The following SAMD12 variants were observed in gnomAD, a reference collection of about 807,000 sequenced individuals.
SAMD12 encodes the protein sterile alpha motif domain-containing protein 12.
In SAMD12, 9 loss-of-function variants were observed where a neutral mutation model predicts 15.0. The ratio of observed to expected loss-of-function variants is 0.60; its 90% CI spans 0.36 to 1.05. The LOEUF (loss-of-function observed/expected upper bound fraction) is 1.05. Ranked by LOEUF, SAMD12 falls within the 50% of genes least tolerant of loss-of-function variation. The pLI, the probability that SAMD12 is intolerant of heterozygous loss-of-function variation, is 0.01. For synonymous variants in SAMD12, 86 were observed against 90.1 expected (o/e 0.96, Z 0.25); for missense variants, 230 against 234.2 (o/e 0.98, Z 0.12).
intron 2 of SAMD12, among the ~76,000 whole-genome samples, chr8:118,489,072 T>C (rs889631423): frequency 1.3e-5 from 2 of 152,200 alleles, no homozygotes; most frequent in Non-Finnish European, 2.9e-5. Flanking sequence ...GTGGTATCTC[T>C]TTCTGTTTTT....
intron 4 of SAMD12, among the ~76,000 whole-genome samples, chr8:118,324,986 G>A (rs925922538): frequency 8.5e-5 from 13 of 152,246 alleles, no homozygotes; most frequent in African/African-American, 2.6e-4. Flanking sequence ...ACTCACAACT[G>A]GTCATAGGGA....
Position 118,331,590 on chromosome 8 carries a change from A to G in SAMD12, c.433+47970T>C, listed in dbSNP as rs147721984. Among the ~76,000 whole-genome samples the G allele has an allele frequency of 3.8e-3, 584 of 152,314 alleles. 5 individuals carry two copies. Among genetic ancestry groups the G allele is most frequent in the African/African-American group, 0.013 (535 of 41,578 alleles). On this transcript the variant is annotated intron_variant, in intron 4 of 4. Transcript: ENST00000409003. ...CATAGTAAGTGAAGGCAGCAAGAAG[A>G]TATTTTCAGCCAGGGAAGGGCTCTA...
At chr8:118,136,123 G>A in the SAMD12 span, among the ~76,000 whole-genome samples, 3 of 152,034 alleles carry the variant, frequency 2.0e-5, no homozygotes, top group African/African-American at 7.3e-5. Flanking sequence ...TCTGTCCCCT[G>A]GGTTCAAGTA....
At chr8:118,155,680 G>A in the SAMD12 span, among the ~76,000 whole-genome samples, 364 of 152,336 alleles carry the variant, frequency 2.4e-3, no homozygotes, top group African/African-American at 8.1e-3. Flanking sequence ...AATGGAATGC[G>A]AGGTGAGGAG....
chr8:118,321,507 G>A (rs1299200932), intron 4 of SAMD12, among the ~76,000 whole-genome samples: 5 of 151,878 alleles, frequency 3.3e-5, no homozygotes, highest in East Asian at 1.9e-4. Context: ...CCAGCCACTC[G>A]GGAGGCTGAG....
chr8:118,543,282 A>G (rs559716039), intron 2 of SAMD12, among the ~76,000 whole-genome samples: 19 of 152,272 alleles, frequency 1.2e-4, no homozygotes, highest in East Asian at 9.7e-4. Flanking sequence ...CACGATGCCA[A>G]TTAAACCTCT....
At chr8:118,219,895 T>C (rs879627997) in intron 4 of SAMD12, among the ~76,000 whole-genome samples, 19 of 152,338 alleles carry the variant, frequency 1.2e-4, no homozygotes, top group Admixed American at 1.2e-3. Context: ...CTCTCAACAT[T>C]GTGAGATATA....
At chr8:118,199,496 T>G (rs1819652974) in intron 4 of SAMD12, among the ~76,000 whole-genome samples, 1 of 152,136 alleles carries the variant, frequency 6.6e-6, no homozygotes, top group Admixed American at 6.5e-5. Context: ...TGTGTGACCT[T>G]GGAAAATAAT....
At chr8:118,358,876 GTA>G (rs1200594739) in intron 4 of SAMD12, among the ~76,000 whole-genome samples, 2 of 152,234 alleles carry the variant, frequency 1.3e-5, no homozygotes, top group Admixed American at 1.3e-4. Context: ...GAGAATGGTG[GTA>G]TTCAGAGAAT....
chr8:118,240,149 G>A (rs1295396498), intron 4 of SAMD12, among the ~76,000 whole-genome samples: 1 of 152,110 alleles, frequency 6.6e-6, no homozygotes, highest in Non-Finnish European at 1.5e-5. Context: ...CCCACATGAT[G>A]AGGAGCTAAC....
intron 2 of SAMD12, among the ~76,000 whole-genome samples, chr8:118,455,229 A>T (rs1823210446): frequency 6.9e-6 from 1 of 145,314 alleles, no homozygotes. Flanking sequence ...AATGGAACAC[A>T]CTTTCTTCTT....
chr8:118,511,695 A>G (rs1825087854), intron 2 of SAMD12, among the ~76,000 whole-genome samples: 1 of 152,206 alleles, frequency 6.6e-6, no homozygotes, highest in Admixed American at 6.5e-5. Context: ...GCAACACAAA[A>G]TCTACAGTGG....
At chr8:118,501,421 G>C (rs1317271826) in intron 2 of SAMD12, among the ~76,000 whole-genome samples, 2 of 152,066 alleles carry the variant, frequency 1.3e-5, no homozygotes, top group African/African-American at 4.8e-5. Context: ...ACATCATACT[G>C]TATACCACAT....
chr8:118,234,892 A>C (rs1388669775), intron 4 of SAMD12, among the ~76,000 whole-genome samples: 1 of 152,060 alleles, frequency 6.6e-6, no homozygotes. Context: ...AGTTTTTTGG[A>C]TTTCTAAATA....
intron 4 of SAMD12, among the ~76,000 whole-genome samples, chr8:118,321,892 T>C (rs1270961730): frequency 6.6e-6 from 1 of 152,208 alleles, no homozygotes; most frequent in Non-Finnish European, 1.5e-5. Context: ...AATACTTTAG[T>C]TGTTATTAAC....
intron 4 of SAMD12, among the ~76,000 whole-genome samples, chr8:118,302,078 G>GATTTTTTTTTTTTTTTTTTT (rs1815062939): frequency 2.7e-5 from 2 of 74,692 alleles, no homozygotes; most frequent in African/African-American, 1.4e-4. Flanking sequence ...ATCTTTGAGA[G>GATTTTTTTTTTTTTTTTTTT]TTTTTTTTTT....
At chr8:118,545,484 A>C (rs1335292418) in intron 2 of SAMD12, among the ~76,000 whole-genome samples, 5 of 152,096 alleles carry the variant, frequency 3.3e-5, no homozygotes, top group Non-Finnish European at 7.4e-5. Context: ...AAAACAAAAC[A>C]AAAAACAAGA....
chr8:118,402,300 T>C (rs990687227), intron 3 of SAMD12, among the ~76,000 whole-genome samples: 1 of 152,156 alleles, frequency 6.6e-6, no homozygotes, highest in African/African-American at 2.4e-5. Context: ...TTCTGAGGTT[T>C]TGATAAAGTA....
intron 2 of SAMD12, among the ~76,000 whole-genome samples, chr8:118,447,194 C>T (rs974156115): frequency 2.0e-5 from 3 of 152,154 alleles, no homozygotes; most frequent in Admixed American, 2.0e-4. Context: ...AACATTGCTA[C>T]AATCCTGATT....
Sources: gnomAD v4.1 joint callset for allele counts (sites outside exome capture counted in the v4.1 genomes callset) on GRCh38, gnomAD v4.1.1 for gene constraint, MANE v1.5 for transcripts, NCBI Gene and HGNC (gene_info 2026-07-23, HGNC 2026-07-21) for gene names.